The following OR8J1 variants were observed in gnomAD, a reference collection of about 807,000 sequenced individuals.
The protein encoded by OR8J1 is olfactory receptor 8J1.
For missense variants in OR8J1, 400 were observed against 373.0 expected (o/e 1.07, Z -0.60); for synonymous variants, 157 against 144.3 (o/e 1.09, Z -0.63).
chr11:56,357,685 G>C (rs1854988609), intron 1 of OR8J1: 1 of 1,582,690 alleles, frequency 6.3e-7, no homozygotes, highest in Non-Finnish European at 8.6e-7. Flanking sequence ...ATCTATGAAG[G>C]CCAAGTGGAG....
intron 1 of OR8J1, 63 bp from the exon 2 acceptor site, chr11:56,360,164 C>A: frequency 9.5e-7 from 1 of 1,058,060 alleles, no homozygotes; most frequent in Non-Finnish European, 1.4e-6. Context: ...TTGTCCTAGC[C>A]ATATAAGGGC....
In OR8J1 at chr11:56,360,993, A is replaced by G; in HGVS notation, c.747A>G (p.Thr249=). Residue 249 remains threonine, a synonymous_variant, in exon 2 of 2, where the codon ACA becomes ACG. Transcript: ENST00000533152. ...STCASHMMAV[T]IFYGTLLFMY... is the part of the protein sequence containing the mutation. ...GTGCTTCACATATGATGGCAGTCAC[A>G]ATTTTTTATGGGACATTGCTATTCA... is the stretch of plus-strand genomic sequence containing the variant. 6.8e-7 allele frequency: 1 copy of G among 1,476,442 alleles called. No individual in the cohort carries two copies. The highest frequency in any genetic ancestry group is 8.9e-7 in the Non-Finnish European group (1 of 1,117,724). The allele number at this position is 1,476,442 out of a possible 1,614,324, so 91.5% of individuals were successfully genotyped here.
Position 56,360,480 on chromosome 11 carries a change from C to G in OR8J1, c.234C>G (p.Ala78=). The change falls in exon 2 of 2, where the codon GCC becomes GCG. Residue 78 remains alanine (A), a synonymous_variant. Transcript: ENST00000533152. ...LINLGNSTVI[A]PKMLINFLVK... is the part of the protein sequence containing the mutation. The stretch of plus-strand genomic sequence containing the variant: ...ATCTTGGTAACTCTACTGTCATTGC[C>G]CCTAAAATGCTGATTAACTTTTTAG... The G allele has an allele frequency of 6.2e-7, 1 of 1,614,108 alleles. No homozygotes were observed. Among genetic ancestry groups the G allele is most frequent in the East Asian group, 2.2e-5 (1 of 44,874 alleles).
In OR8J1 at chr11:56,361,050, G is replaced by T. The variant is rs761951424; in HGVS notation, c.804G>T (p.Leu268=). 1.3e-6 allele frequency: 2 copies of T among 1,501,486 alleles called. No individual in the cohort carries two copies. The highest frequency in any genetic ancestry group is 1.8e-6 in the Non-Finnish European group (2 of 1,133,958). The allele number at this position is 1,501,486 out of a possible 1,614,324, so 93.0% of individuals were successfully genotyped here. A position where few individuals can be genotyped will look rare whatever the true frequency, so the allele number is the denominator to read the frequency against. The change falls in exon 2 of 2, where the codon CTG becomes CTT. Residue 268 remains leucine (L), a synonymous_variant. Transcript: ENST00000533152. ...MYVQPRSNHS[L]DTDDKMASVF... The stretch of plus-strand genomic sequence containing the variant: ...TGCAGCCCCGAAGTAACCATTCACT[G>T]GATACTGATGATAAGATGGCTTCTG...
Position 56,361,025 on chromosome 11 carries a change from T to C in OR8J1, c.779T>C (p.Val260Ala), listed in dbSNP as rs768815456. The change falls in exon 2 of 2, where the codon GTG becomes GCG. Residue 260 changes from valine (V) to alanine (A), a missense_variant. Coordinates refer to ENST00000533152, the MANE Select transcript of OR8J1 (RefSeq NM_001005205.3). ...TATGGGACATTGCTATTCATGTATG[T>C]GCAGCCCCGAAGTAACCATTCACTG... ...IFYGTLLFMY[V>A]QPRSNHSLDT... 2.9e-5 allele frequency: 43 copies of C among 1,502,276 alleles called. 1 individual carries two copies. In the South Asian group the frequency reaches 5.9e-4, roughly 20 times the overall value. The allele number at this position is 1,502,276 out of a possible 1,614,324, so 93.1% of individuals were successfully genotyped here.
At chr11:56,355,268 T>A (rs1590855609) in intron 1 of OR8J1, among the ~76,000 whole-genome samples, 1 of 150,346 alleles carries the variant, frequency 6.7e-6, no homozygotes, top group East Asian at 1.9e-4. Context: ...AGGGAATAAA[T>A]ATATATATAT....
At position 56,356,074 on chromosome 11, in the gene OR8J1, T is replaced by G. The variant is rs554987879; in HGVS notation, c.-21+1749T>G. 1.1e-4 allele frequency among the ~76,000 whole-genome samples: 16 copies of G among 152,348 alleles called. 1 individual carries two copies. In the South Asian group the frequency reaches 3.3e-3, roughly 32 times the overall value. ...ATGAGGTAAAAGCATATTTCAATTA[T>G]TCTAATGAATACCTTGGATAACACA... On this transcript the variant is annotated intron_variant, in intron 1 of 1. Coordinates refer to ENST00000533152, the MANE Select transcript of OR8J1 (RefSeq NM_001005205.3).
intron 1 of OR8J1, among the ~76,000 whole-genome samples, chr11:56,354,746 T>A (rs1047566473): frequency 6.6e-6 from 1 of 152,190 alleles, no homozygotes; most frequent in Non-Finnish European, 1.5e-5. Flanking sequence ...TTTTTGAGAA[T>A]ACAAGTTTAG....
intron 1 of OR8J1, among the ~76,000 whole-genome samples, chr11:56,359,708 C>T (rs1852607397): frequency 6.6e-6 from 1 of 152,008 alleles, no homozygotes; most frequent in Admixed American, 6.6e-5. Flanking sequence ...AAAAAGCAAA[C>T]AGACATGGAT....
At chr11:56,359,985 T>C (rs1852612084) in intron 1 of OR8J1, among the ~76,000 whole-genome samples, 2 of 152,150 alleles carry the variant, frequency 1.3e-5, no homozygotes, top group Admixed American at 1.3e-4. Flanking sequence ...AGGAAGTAAA[T>C]CCTCAAAATG....
At chr11:56,355,505 G>A (rs577495975) in intron 1 of OR8J1, among the ~76,000 whole-genome samples, 1 of 152,144 alleles carries the variant, frequency 6.6e-6, no homozygotes, top group East Asian at 1.9e-4. Context: ...GCGCCCGCCT[G>A]TAATCCCAGC....
rs185050299 is a variant in OR8J1 at position 56,360,275 on chromosome 11, C to T, written c.29C>T (p.Thr10Ile). 6.3e-7 allele frequency: 1 copy of T among 1,584,040 alleles called. No individual in the cohort carries two copies. MAPENFTRV[T>I]EFILTGVSSC... ...GCTCCTGAAAATTTCACCAGAGTCA[C>T]TGAGTTTATTCTTACAGGTGTCTCT... The change falls in exon 2 of 2, where the codon ACT becomes ATT. Residue 10 changes from threonine to isoleucine, a missense_variant. Coordinates refer to ENST00000533152, the MANE Select transcript of OR8J1 (RefSeq NM_001005205.3).
intron 1 of OR8J1, chr11:56,357,587 G>A: frequency 5.4e-6 from 6 of 1,112,374 alleles, no homozygotes; most frequent in Non-Finnish European, 8.1e-6. Flanking sequence ...AATATGGTGT[G>A]AAGGTTGGCC....
chr11:56,355,951 A>G (rs1203114355), intron 1 of OR8J1, among the ~76,000 whole-genome samples: 1 of 152,208 alleles, frequency 6.6e-6, no homozygotes, highest in African/African-American at 2.4e-5. Flanking sequence ...AGAAGAATCA[A>G]TAACAGTGAA....
At chr11:56,355,894 A>T (rs1854961168) in intron 1 of OR8J1, among the ~76,000 whole-genome samples, 1 of 152,182 alleles carries the variant, frequency 6.6e-6, no homozygotes, top group Non-Finnish European at 1.5e-5. Flanking sequence ...ATGGTGGACA[A>T]ACTTTGCAGA....
chr11:56,360,071 C>T (rs1386350057), intron 1 of OR8J1, 156 bp from the exon 2 acceptor site: 2 of 471,832 alleles, frequency 4.2e-6, no homozygotes, highest in Admixed American at 7.8e-5. Flanking sequence ...AAATAATTAC[C>T]AAGTTTACTT....
intron 1 of OR8J1, among the ~76,000 whole-genome samples, chr11:56,358,975 C>T (rs1852598390): frequency 6.6e-6 from 1 of 152,012 alleles, no homozygotes; most frequent in Non-Finnish European, 1.5e-5. Context: ...TTTCACACTG[C>T]AGGATAGTTT....
Position 56,360,891 on chromosome 11 carries a change from A to G in OR8J1, c.645A>G (p.Leu215=). The change falls in exon 2 of 2, where the codon CTA becomes CTG. Residue 215 remains leucine, a synonymous_variant. Coordinates refer to ENST00000533152, the MANE Select transcript of OR8J1 (RefSeq NM_001005205.3). ...TGGTTGGTTCCTTGATTATAGTTCT[A>G]GTATCTTATTTCAATATTGTTTTGT... is the stretch of plus-strand genomic sequence containing the variant. ...TNVVGSLIIV[L]VSYFNIVLSI... 6.7e-7 allele frequency: 1 copy of G among 1,501,458 alleles called. No homozygotes were observed. The highest frequency in any genetic ancestry group is 8.8e-7 in the Non-Finnish European group (1 of 1,129,946). The allele number at this position is 1,501,458 out of a possible 1,614,324, so 93.0% of individuals were successfully genotyped here.
At chr11:56,359,732 A>G (rs1002272140) in intron 1 of OR8J1, among the ~76,000 whole-genome samples, 2 of 152,186 alleles carry the variant, frequency 1.3e-5, no homozygotes, top group African/African-American at 4.8e-5. Context: ...AAAATGTATG[A>G]GTTAAATGTG....
Sources: gnomAD v4.1 joint callset for allele counts (sites outside exome capture counted in the v4.1 genomes callset) on GRCh38, gnomAD v4.1.1 for gene constraint, MANE v1.5 for transcripts, NCBI Gene and HGNC (gene_info 2026-07-23, HGNC 2026-07-21) for gene names.